The following ADGRL2 variants were observed in gnomAD, a reference collection of about 807,000 sequenced individuals.
ADGRL2 encodes adhesion G protein-coupled receptor L2.
A neutral mutation model predicts 157.4 loss-of-function variants in ADGRL2; 44 were observed. The observed-to-expected ratio is 0.28, with a 90% CI of 0.22 to 0.36. The LOEUF (loss-of-function observed/expected upper bound fraction) is 0.36, where lower values mean the gene tolerates loss of function less well. Among genes scored for constraint, ADGRL2 ranks in the 10% least tolerant of loss-of-function variants. ADGRL2 has a pLI of 1.00. For missense variants in ADGRL2, 1,510 were observed against 1,768.9 expected (o/e 0.85, Z 2.63); for synonymous variants, 585 against 624.7 (o/e 0.94, Z 0.95).
intron 1 of ADGRL2, among the ~76,000 whole-genome samples, chr1:81,347,114 C>T (rs1044484982): frequency 6.6e-6 from 1 of 152,222 alleles, no homozygotes. Context: ...AAAACCCATT[C>T]TGGGTTGGGT....
intron 2 of ADGRL2, among the ~76,000 whole-genome samples, chr1:81,841,108 C>A (rs2092560253): frequency 6.6e-6 from 1 of 152,132 alleles, no homozygotes. Context: ...ATGCAGATTT[C>A]AGGTTGAATC....
intron 17 of ADGRL2, among the ~76,000 whole-genome samples, chr1:81,977,958 T>C (rs1306227181): frequency 6.6e-6 from 1 of 151,726 alleles, no homozygotes; most frequent in African/African-American, 2.4e-5. Context: ...TTACCTATTA[T>C]AGTCAGTTTA....
chr1:81,557,521 G>GAA (rs1314523100), intron 2 of ADGRL2: 1 of 151,144 alleles, frequency 6.6e-6, no homozygotes, highest in Non-Finnish European at 1.5e-5. Context: ...AAGAAAGAAA[G>GAA]AAAGAGAAGA....
chr1:81,534,471 G>A (rs1322927978), intron 2 of ADGRL2, among the ~76,000 whole-genome samples: 1 of 152,116 alleles, frequency 6.6e-6, no homozygotes, highest in African/African-American at 2.4e-5. Context: ...CTGATTACAA[G>A]TTATTTTAGA....
chr1:81,392,064 G>A (rs1174822464), intron 1 of ADGRL2, among the ~76,000 whole-genome samples: 1 of 152,084 alleles, frequency 6.6e-6, no homozygotes, highest in African/African-American at 2.4e-5. Context: ...CTCGATTTAA[G>A]TCCAGGTCTG....
At chr1:81,830,939 G>A (rs2091901942) in intron 1 of ADGRL2, among the ~76,000 whole-genome samples, 1 of 152,100 alleles carries the variant, frequency 6.6e-6, no homozygotes, top group Non-Finnish European at 1.5e-5. Flanking sequence ...ATTTCATTTA[G>A]TGGTTGTATA....
intron 1 of ADGRL2, among the ~76,000 whole-genome samples, chr1:81,387,392 T>C (rs948237697): frequency 1.3e-5 from 2 of 152,198 alleles, no homozygotes; most frequent in African/African-American, 4.8e-5. Context: ...GTTTCATATA[T>C]AAATGCTGAA....
intron 2 of ADGRL2, among the ~76,000 whole-genome samples, chr1:81,504,934 G>T (rs2078938913): frequency 6.6e-6 from 1 of 152,192 alleles, no homozygotes; most frequent in African/African-American, 2.4e-5. Context: ...GTGCTGTAAA[G>T]AAAATTGATT....
chr1:81,961,529 C>T (rs1306108184), intron 11 of ADGRL2, among the ~76,000 whole-genome samples: 1 of 114,044 alleles, frequency 8.8e-6, no homozygotes, highest in East Asian at 2.5e-4. Context: ...TTTTTTGAGA[C>T]GGAGTTTTGC....
At chr1:81,820,705 A>T (rs539004302) in intron 1 of ADGRL2, among the ~76,000 whole-genome samples, 15 of 150,996 alleles carry the variant, frequency 9.9e-5, no homozygotes, top group African/African-American at 3.4e-4. Context: ...GATATTGAGA[A>T]CAGGAAGTGT....
intron 1 of ADGRL2, among the ~76,000 whole-genome samples, chr1:81,375,735 C>A (rs540795826): frequency 6.6e-6 from 1 of 152,170 alleles, no homozygotes; most frequent in Non-Finnish European, 1.5e-5. Context: ...CCAAAAGTAT[C>A]CCCTTAGTAA....
intron 23 of ADGRL2, chr1:81,989,791 T>C: frequency 6.5e-7 from 1 of 1,533,348 alleles, no homozygotes; most frequent in South Asian, 1.3e-5. Flanking sequence ...GAGATGGCTG[T>C]CTTTGTTTAA....
At chr1:81,746,300 A>T (rs1052957498) in intron 1 of ADGRL2, among the ~76,000 whole-genome samples, 2 of 152,072 alleles carry the variant, frequency 1.3e-5, no homozygotes, top group African/African-American at 4.8e-5. Context: ...ATTTTTAAAA[A>T]TTTTTTGAGA....
intron 2 of ADGRL2, among the ~76,000 whole-genome samples, chr1:81,556,586 C>T (rs1295737144): frequency 3.3e-5 from 5 of 151,446 alleles, no homozygotes; most frequent in African/African-American, 7.3e-5. Context: ...TGTGTTGTCA[C>T]ACTAACAGTC....
At chr1:81,342,278 T>C (rs1662128819) in intron 1 of ADGRL2, among the ~76,000 whole-genome samples, 2 of 152,240 alleles carry the variant, frequency 1.3e-5, no homozygotes, top group African/African-American at 2.4e-5. Flanking sequence ...TTTTAGATCC[T>C]ATATTGAGTC....
At position 81,951,952 on chromosome 1, in the gene ADGRL2, T is replaced by C. The variant is rs1203730152; in HGVS notation, c.1609-5T>C. Reference sequence around the variant, plus strand: ...TAAATGAGATAATACAAATTGTTTTTTCAGATCAGAAGCGGAGAAAATGCT... The same window carrying C: ...TAAATGAGATAATACAAATTGTTTTCTCAGATCAGAAGCGGAGAAAATGCT... On this transcript the variant is annotated splice_region_variant and splice_polypyrimidine_tract_variant and intron_variant, in intron 8 of 23. Transcript: ENST00000686636. 1.9e-6 allele frequency: 3 copies of C among 1,592,516 alleles called. No homozygotes were observed. The highest frequency in any genetic ancestry group is 2.6e-6 in the Non-Finnish European group (3 of 1,170,874).
At chr1:81,921,511 A>G (rs1245854077) in intron 3 of ADGRL2, among the ~76,000 whole-genome samples, 1 of 152,202 alleles carries the variant, frequency 6.6e-6, no homozygotes, top group East Asian at 1.9e-4. Flanking sequence ...TCTGTGGCAT[A>G]AGAGTGCACG....
At position 81,836,134 on chromosome 1, in the gene ADGRL2, T is replaced by C. The variant is rs1056784101; in HGVS notation, c.-100-751T>C. 6.6e-5 allele frequency among the ~76,000 whole-genome samples: 10 copies of C among 152,176 alleles called. No homozygotes were observed. In the East Asian group the frequency reaches 1.9e-3, roughly 29 times the overall value. ...GATGTAATGAGTTTGTTTTACTGAGTTATGTATGCAACCTCAGAAAGGGAG... is the reference window on the plus strand; with the variant it reads ...GATGTAATGAGTTTGTTTTACTGAGCTATGTATGCAACCTCAGAAAGGGAG... On this transcript the variant is annotated intron_variant, in intron 1 of 23. Coordinates refer to ENST00000686636, the MANE Select transcript of ADGRL2 (RefSeq NM_001366006.2).
rs191671038 is a variant in ADGRL2, at chr1:81,403,828, C to A, written c.-301-41208C>A. ...TTTTTTTTTTTTTGAGACAGAATCA[C>A]ACTCTATTGTCCAGGCTGGAGTACA... On this transcript the variant is annotated intron_variant, in intron 1 of 24. Coordinates refer to the ADGRL2 transcript ENST00000370721. 7.2e-3 allele frequency among the ~76,000 whole-genome samples: 1,007 copies of A among 138,952 alleles called. 5 individuals are homozygous for A. The highest frequency in any genetic ancestry group is 0.025 in the African/African-American group (887 of 36,098). 91.2% of individuals were successfully genotyped at this position (138,952 alleles called of 152,430 possible).
Sources: allele counts gnomAD v4.1 joint callset (sites outside exome capture counted in the v4.1 genomes callset), GRCh38; gene constraint gnomAD v4.1.1; transcripts MANE v1.5; gene names NCBI Gene and HGNC (gene_info 2026-07-23, HGNC 2026-07-21).